MGAT4C: variants seen among roughly 807,000 people sequenced by gnomAD.
MGAT4C encodes MGAT4 family member C.
A neutral mutation model predicts 40.1 loss-of-function variants in MGAT4C; 19 were observed. The ratio of observed to expected loss-of-function variants is 0.47; its 90% CI spans 0.33 to 0.70. The LOEUF (loss-of-function observed/expected upper bound fraction) is 0.70, where lower values mean the gene tolerates loss of function less well. MGAT4C is among the 30% of genes least tolerant of loss of function. MGAT4C has a pLI of 0.02. For missense variants in MGAT4C, 491 were observed against 563.2 expected (o/e 0.87, Z 1.30); for synonymous variants, 181 against 187.1 (o/e 0.97, Z 0.27).
intron 1 of MGAT4C, among the ~76,000 whole-genome samples, chr12:86,799,299 A>G (rs1003131482): frequency 4.6e-5 from 7 of 151,626 alleles, no homozygotes; most frequent in Non-Finnish European, 5.9e-5. Context: ...TTAAGGCATA[A>G]TTTCTCTGGT....
chr12:86,162,972 T>A (rs2135805043), intron 1 of MGAT4C, among the ~76,000 whole-genome samples: 1 of 152,280 alleles, frequency 6.6e-6, no homozygotes, highest in East Asian at 1.9e-4. Context: ...TATATTAAAT[T>A]AATGCATGTC....
At chr12:86,788,836 A>G (rs1215548150) in intron 1 of MGAT4C, among the ~76,000 whole-genome samples, 2 of 152,268 alleles carry the variant, frequency 1.3e-5, no homozygotes, top group Non-Finnish European at 2.9e-5. Context: ...AAATCTTGTC[A>G]ATGTACAAAG....
chr12:86,192,710 G>A (rs1323727599), intron 1 of MGAT4C, among the ~76,000 whole-genome samples: 1 of 152,132 alleles, frequency 6.6e-6, no homozygotes. Flanking sequence ...TGTTGTTGTT[G>A]ATATTGAGGT....
intron 2 of MGAT4C, among the ~76,000 whole-genome samples, chr12:86,629,917 A>G (rs559132913): frequency 2.4e-4 from 36 of 152,352 alleles, no homozygotes; most frequent in Non-Finnish European, 4.6e-4. Flanking sequence ...GCAGAACTGA[A>G]GCAGACAGAG....
intron 2 of MGAT4C, among the ~76,000 whole-genome samples, chr12:86,641,169 C>A (rs1306110097): frequency 6.6e-6 from 1 of 151,678 alleles, no homozygotes; most frequent in Non-Finnish European, 1.5e-5. Context: ...CACTTATACA[C>A]CATGGAATAC....
In MGAT4C at chr12:86,301,133, C is replaced by T. The variant is rs533132823; in HGVS notation, c.-57+32932G>A. ...GTGTTGGTCCTCTTTAACTCATTCA[C>T]GCCCAGGGGCTCACTAACAGTGAGA... On this transcript the variant is annotated intron_variant, in intron 4 of 7. Transcript: ENST00000548651. Among the ~76,000 whole-genome samples the T allele has an allele frequency of 1.5e-4, 23 of 152,234 alleles. 1 individual carries two copies. Among genetic ancestry groups the T allele is most frequent in the African/African-American group, 5.3e-4 (22 of 41,562 alleles).
intron 2 of MGAT4C, among the ~76,000 whole-genome samples, chr12:86,563,487 T>C (rs1959960710): frequency 6.6e-6 from 1 of 152,166 alleles, no homozygotes; most frequent in Non-Finnish European, 1.5e-5. Context: ...ATTATAAAAA[T>C]AGAGAATCAT....
intron 3 of MGAT4C, among the ~76,000 whole-genome samples, chr12:86,356,178 G>T (rs756439168): frequency 6.6e-6 from 1 of 152,066 alleles, no homozygotes; most frequent in Non-Finnish European, 1.5e-5. Context: ...TATTTTGAAA[G>T]AATCCAAGAA....
At chr12:86,240,193 TG>T (rs988462556) in intron 1 of MGAT4C, among the ~76,000 whole-genome samples, 5 of 149,664 alleles carry the variant, frequency 3.3e-5, no homozygotes, top group African/African-American at 1.3e-4. Flanking sequence ...CACATATATA[TG>T]ATATATATCA....
intron 3 of MGAT4C, among the ~76,000 whole-genome samples, chr12:86,407,982 G>A (rs1956508694): frequency 6.6e-6 from 1 of 152,022 alleles, no homozygotes; most frequent in Admixed American, 6.6e-5. Context: ...ATCTAAACAT[G>A]GGTATATATT....
chr12:86,228,185 T>C (rs560495845), intron 1 of MGAT4C, among the ~76,000 whole-genome samples: 27 of 151,810 alleles, frequency 1.8e-4, no homozygotes, highest in African/African-American at 6.5e-4. Flanking sequence ...ATTCATCACT[T>C]CTATCTATTG....
At chr12:86,708,933 T>C (rs1950510392) in intron 2 of MGAT4C, among the ~76,000 whole-genome samples, 1 of 152,144 alleles carries the variant, frequency 6.6e-6, no homozygotes, top group Non-Finnish European at 1.5e-5. Context: ...ATGAGAGACA[T>C]TGGACTGTGG....
intron 2 of MGAT4C, among the ~76,000 whole-genome samples, chr12:86,461,824 C>T (rs1204174716): frequency 2.0e-5 from 3 of 152,024 alleles, no homozygotes; most frequent in African/African-American, 7.2e-5. Context: ...CTGAGAAAGT[C>T]AGTTTTGTGC....
intron 4 of MGAT4C, among the ~76,000 whole-genome samples, chr12:86,286,127 T>G (rs903608892): frequency 4.6e-5 from 7 of 152,138 alleles, no homozygotes; most frequent in Admixed American, 1.3e-4. Context: ...TTAATTCTTG[T>G]ATCCTTTTCT....
In MGAT4C at chr12:86,183,991, C is replaced by T. The variant is rs185563677; in HGVS notation, c.-57+72248G>A. ...CATTTAAAAATATTGAAGAGAACAACGATTTGGTCGTCTGTGTGTATTCCA... is the reference window on the plus strand; with the variant it reads ...CATTTAAAAATATTGAAGAGAACAATGATTTGGTCGTCTGTGTGTATTCCA... On this transcript the variant is annotated intron_variant, in intron 1 of 4. Transcript: ENST00000611864. Among the ~76,000 whole-genome samples the T allele has an allele frequency of 1.8e-4, 28 of 152,188 alleles. No homozygotes were observed. The South Asian group carries it at 3.7e-3, about 20-fold the overall frequency.
chr12:86,456,075 C>T (rs1957507232), intron 2 of MGAT4C, among the ~76,000 whole-genome samples: 1 of 152,042 alleles, frequency 6.6e-6, no homozygotes, highest in Admixed American at 6.6e-5. Flanking sequence ...TATATCCTTC[C>T]TATTCCTCAT....
chr12:86,296,933 A>G (rs944454151), intron 4 of MGAT4C, among the ~76,000 whole-genome samples: 9 of 152,252 alleles, frequency 5.9e-5, no homozygotes, highest in Admixed American at 6.5e-5. Flanking sequence ...GGCTGTGAGG[A>G]CTGCCAGCAC....
intron 2 of MGAT4C, among the ~76,000 whole-genome samples, chr12:86,686,034 ATTTT>A (rs1950066428): frequency 2.0e-5 from 1 of 51,146 alleles, no homozygotes; most frequent in Non-Finnish European, 5.8e-5. Context: ...GGCTAATTTT[ATTTT>A]AATTTTTTTT....
chr12:86,072,100 A>G (rs552786971), intron 1 of MGAT4C, among the ~76,000 whole-genome samples: 3 of 151,796 alleles, frequency 2.0e-5, no homozygotes, highest in Admixed American at 6.6e-5. Context: ...ATATTAACAC[A>G]TTCTGTCCTC....
Sources: gnomAD v4.1 joint callset for allele counts (sites outside exome capture counted in the v4.1 genomes callset) on GRCh38, gnomAD v4.1.1 for gene constraint, MANE v1.5 for transcripts, NCBI Gene and HGNC (gene_info 2026-07-23, HGNC 2026-07-21) for gene names.